The following SP100 variants were observed in gnomAD, a reference collection of about 807,000 sequenced individuals.
SP100 encodes nuclear autoantigen Sp-100.
A neutral mutation model predicts 130.0 loss-of-function variants in SP100; 84 were observed. The ratio of observed to expected loss-of-function variants is 0.65; its 90% CI spans 0.54 to 0.77. The LOEUF is 0.77. Ranked by LOEUF, SP100 falls within the 30% of genes least tolerant of loss-of-function variation. SP100 has a pLI of 0.00. For missense variants in SP100, 978 were observed against 1,052.2 expected, an observed-to-expected ratio of 0.93 and a Z score of 0.97; for synonymous variants, 331 against 351.7, an observed-to-expected ratio of 0.94 and a Z score of 0.66.
chr2:230,418,660 G>GA (rs1048619049), intron 2 of SP100, among the ~76,000 whole-genome samples: 15 of 151,826 alleles, frequency 9.9e-5, no homozygotes, highest in African/African-American at 3.6e-4. Context: ...GCTACAGTTT[G>GA]AAGTCTTTGT....
chr2:230,432,955 C>T (rs946385058), intron 2 of SP100, among the ~76,000 whole-genome samples: 1 of 152,116 alleles, frequency 6.6e-6, no homozygotes, highest in Admixed American at 6.6e-5. Context: ...AAAGTCTTAT[C>T]ATTTTTGCTG....
At chr2:230,431,577 A>C (rs1258873144) in intron 2 of SP100, among the ~76,000 whole-genome samples, 2 of 152,184 alleles carry the variant, frequency 1.3e-5, no homozygotes, top group Admixed American at 1.3e-4. Context: ...AGAGAGACTA[A>C]AGCCAGAAAC....
chr2:230,491,390 C>A (rs1487115409), intron 17 of SP100, among the ~76,000 whole-genome samples: 1 of 152,206 alleles, frequency 6.6e-6, no homozygotes, highest in African/African-American at 2.4e-5. Context: ...TGCAGGGAAG[C>A]CCCACCCAGT....
intron 2 of SP100, among the ~76,000 whole-genome samples, chr2:230,434,568 A>G (rs1575599526): frequency 6.6e-6 from 1 of 152,202 alleles, no homozygotes; most frequent in African/African-American, 2.4e-5. Flanking sequence ...TAAGTAATTC[A>G]TTTAGCATGT....
chr2:230,443,039 G>T lies in SP100; in HGVS notation c.210G>T (p.Lys70Asn). 6.2e-7 allele frequency: 1 copy of T among 1,613,952 alleles called. No homozygotes were observed. Among genetic ancestry groups the T allele is most frequent in the South Asian group, 1.1e-5 (1 of 91,084 alleles). The change falls in exon 3 of 29, where the codon AAG becomes AAT. Residue 70 changes from lysine (K) to asparagine (N), a missense_variant. Coordinates refer to ENST00000340126, the MANE Select transcript of SP100 (RefSeq NM_001080391.2). ...NKVEISNAIK[K>N]TFPFLEGLRD... is the part of the protein sequence containing the mutation. ...TGGAGATTTCAAATGCAATAAAAAAGACATTTCCATTCCTCGAGGGCCTCC... is the reference window on the plus strand; with the variant it reads ...TGGAGATTTCAAATGCAATAAAAAATACATTTCCATTCCTCGAGGGCCTCC...
chr2:230,506,411 G>A lies in SP100; in HGVS notation c.1979G>A (p.Arg660His), dbSNP rs769217106. 2.4e-5 allele frequency: 38 copies of A among 1,613,788 alleles called. No homozygotes were observed. The highest frequency in any genetic ancestry group is 1.7e-4 in the Admixed American group (10 of 59,988). ...GASKNWKLSIRCGGYTLKVLM... is the reference protein window; with the variant it reads ...GASKNWKLSIHCGGYTLKVLM... ...TCCAAGAACTGGAAGCTAAGTATAC[G>A]CTGCGGTGGATATACCCTGAAAGTC... The change falls in exon 22 of 29, where the codon CGC becomes CAC. Residue 660 changes from arginine (R) to histidine (H), a missense_variant. By Grantham distance (29) the Arg-to-His change is conservative (BLOSUM62 0). Coordinates refer to ENST00000340126, the MANE Select transcript of SP100 (RefSeq NM_001080391.2).
chr2:230,493,392 T>C (rs981732618), intron 17 of SP100, among the ~76,000 whole-genome samples: 4 of 152,136 alleles, frequency 2.6e-5, no homozygotes, highest in Non-Finnish European at 5.9e-5. Context: ...AATTTTTTTA[T>C]TTTTAGGAGA....
At chr2:230,464,043 A>G (rs764709054) in intron 10 of SP100, 24 bp from the exon 11 acceptor site, 25 of 1,528,298 alleles carry the variant, frequency 1.6e-5, no homozygotes, top group Non-Finnish European at 2.2e-5. Context: ...TGAGACCTCT[A>G]AAGAATCCCA....
chr2:230,493,312 G>C (rs1332504474), intron 17 of SP100, among the ~76,000 whole-genome samples: 1 of 152,152 alleles, frequency 6.6e-6, no homozygotes, highest in Non-Finnish European at 1.5e-5. Flanking sequence ...CCACCTCCCA[G>C]GTTCAAGTGA....
At chr2:230,493,670 T>A (rs888309518) in intron 17 of SP100, 1 of 152,230 alleles carries the variant, frequency 6.6e-6, no homozygotes, top group African/African-American at 2.4e-5. Context: ...TTTCTACTTA[T>A]TTCTTAAGTT....
chr2:230,467,626 A>G (rs979403917), intron 13 of SP100, among the ~76,000 whole-genome samples: 7 of 152,160 alleles, frequency 4.6e-5, no homozygotes, highest in African/African-American at 1.4e-4. Context: ...CCCCTTATAT[A>G]ACCATTCAGA....
intron 2 of SP100, among the ~76,000 whole-genome samples, chr2:230,441,404 G>A (rs1456791040): frequency 6.6e-6 from 1 of 152,144 alleles, no homozygotes; most frequent in Non-Finnish European, 1.5e-5. Flanking sequence ...ATTTATGCAA[G>A]ATAAGTGAAA....
intron 2 of SP100, among the ~76,000 whole-genome samples, chr2:230,421,997 A>G (rs1283365284): frequency 6.6e-6 from 1 of 152,076 alleles, no homozygotes; most frequent in Non-Finnish European, 1.5e-5. Flanking sequence ...TAGCTTTCCT[A>G]GATTGATCCT....
chr2:230,537,653 A>G (rs759364227), intron 24 of SP100: 4 of 152,224 alleles, frequency 2.6e-5, no homozygotes, highest in Non-Finnish European at 5.9e-5. Context: ...CCACTTTGTA[A>G]TGTGGGTTTT....
intron 5 of SP100, among the ~76,000 whole-genome samples, chr2:230,447,949 A>C (rs575355772): frequency 3.9e-4 from 60 of 152,244 alleles, no homozygotes; most frequent in African/African-American, 1.4e-3. Context: ...GGCTTTCCAA[A>C]AGTTACCTCA....
intron 13 of SP100, chr2:230,468,751 A>G (rs376818951): frequency 8.8e-5 from 19 of 216,750 alleles, no homozygotes; most frequent in East Asian, 7.2e-4. Flanking sequence ...CTGGAAGGTC[A>G]AGACTGCAGT....
intron 2 of SP100, chr2:230,440,533 C>T (rs1307450130): frequency 7.4e-7 from 1 of 1,352,010 alleles, no homozygotes; most frequent in African/African-American, 1.5e-5. Flanking sequence ...AAACTATAAG[C>T]AGTGCTGGGT....
chr2:230,457,072 T>C (rs1364878914), intron 8 of SP100, among the ~76,000 whole-genome samples: 1 of 152,238 alleles, frequency 6.6e-6, no homozygotes, highest in Non-Finnish European at 1.5e-5. Context: ...GGAAAGCCTT[T>C]CACCCTATTT....
intron 17 of SP100, among the ~76,000 whole-genome samples, chr2:230,477,825 C>T (rs2150009586): frequency 6.6e-6 from 1 of 151,960 alleles, no homozygotes; most frequent in Non-Finnish European, 1.5e-5. Flanking sequence ...ATCCCAGTTT[C>T]TCAGGAGGCT....
Sources: allele counts gnomAD v4.1 joint callset (sites outside exome capture counted in the v4.1 genomes callset), GRCh38; gene constraint gnomAD v4.1.1; transcripts MANE v1.5; gene names NCBI Gene and HGNC (gene_info 2026-07-23, HGNC 2026-07-21).